Variants in TACC2 observed in about 807,000 individuals in gnomAD.
TACC2 encodes transforming acidic coiled-coil-containing protein 2.
A neutral mutation model predicts 227.3 loss-of-function variants in TACC2; 137 were observed. That is an observed-to-expected ratio of 0.60 (90% CI 0.52 to 0.69). The LOEUF is 0.69. Ranked by LOEUF, TACC2 falls within the 30% of genes least tolerant of loss-of-function variation. The pLI is 0.00. For missense variants in TACC2, 3,470 were observed against 3,694.4 expected (o/e 0.94, Z 1.57); for synonymous variants, 1,523 against 1,487.5 (o/e 1.02, Z -0.55).
Position 122,083,458 on chromosome 10 carries a change from G to T in TACC2, c.958G>T (p.Ala320Ser). ...CHLPRSNSGA[A>S]PEAEVNAASQ... The stretch of plus-strand genomic sequence containing the variant: ...TCTCCCTAGGAGCAATTCAGGGGCT[G>T]CCCCAGAAGCAGAAGTGAATGCCGC... The change falls in exon 4 of 23, where the codon GCC (alanine) becomes TCC (serine). Residue 320 changes from alanine to serine, a missense_variant. Around this residue, in one of 10 missense-constraint regions of TACC2, gnomAD observed 33 missense variants for 60.4 expected, o/e 0.55. Coordinates refer to ENST00000369005, the MANE Select transcript of TACC2 (RefSeq NM_206862.4). The T allele has an allele frequency of 6.2e-7, 1 of 1,613,384 alleles. No homozygotes were observed. The highest frequency in any genetic ancestry group is 2.2e-5 in the East Asian group (1 of 44,878).
At chr10:122,201,325 G>T (rs1279949956) in intron 8 of TACC2, among the ~76,000 whole-genome samples, 1 of 127,520 alleles carries the variant, frequency 7.8e-6, no homozygotes, top group African/African-American at 2.8e-5. Context: ...CACAGTGGCT[G>T]CGTTCACATG....
chr10:122,164,238 G>A (rs2139871912), intron 7 of TACC2, among the ~76,000 whole-genome samples: 1 of 152,340 alleles, frequency 6.6e-6, no homozygotes, highest in South Asian at 2.1e-4. Flanking sequence ...TGGGTGCATG[G>A]CTGGGGGGCT....
rs142227341 is a variant in TACC2 at position 122,095,752 on chromosome 10, G to C, written c.5573+7161G>C. Among the ~76,000 whole-genome samples, 425 of 152,348 alleles carry C rather than the reference G, an allele frequency of 2.8e-3. 2 individuals carry two copies. Among genetic ancestry groups the C allele is most frequent in the African/African-American group, 9.7e-3 (404 of 41,586 alleles). ...GTTCCCTACAGCAACGCTGTCCACCGACGGTTCTTCAGTGGTGGGAATGTC... is the reference window on the plus strand; with the variant it reads ...GTTCCCTACAGCAACGCTGTCCACCCACGGTTCTTCAGTGGTGGGAATGTC... On this transcript the variant is annotated intron_variant, in intron 5 of 22. Transcript: ENST00000369005.
At chr10:122,206,788 C>G (rs1418627878) in intron 8 of TACC2, among the ~76,000 whole-genome samples, 1 of 152,218 alleles carries the variant, frequency 6.6e-6, no homozygotes, top group Non-Finnish European at 1.5e-5. Flanking sequence ...TTGCCCAGAT[C>G]TGTGTCAGTG....
At chr10:121,995,369 A>T (rs1415401907) in intron 1 of TACC2, among the ~76,000 whole-genome samples, 1 of 152,252 alleles carries the variant, frequency 6.6e-6, no homozygotes, top group Non-Finnish European at 1.5e-5. Context: ...AGTTAAACAC[A>T]GAAGTGTGTG....
At chr10:122,073,877 T>TCACACCATTCTCCTGCCTC (rs1349374999) in intron 3 of TACC2, among the ~76,000 whole-genome samples, 2 of 152,082 alleles carry the variant, frequency 1.3e-5, no homozygotes, top group Non-Finnish European at 2.9e-5. Context: ...CCTCCTGGGT[T>TCACACCATTCTCCTGCCTC]CACACCATTC....
chr10:122,000,974 C>G (rs374052445), intron 1 of TACC2, among the ~76,000 whole-genome samples: 4 of 152,246 alleles, frequency 2.6e-5, no homozygotes, highest in African/African-American at 9.6e-5. Flanking sequence ...AGGCATGCGC[C>G]ACCATGCCCA....
intron 8 of TACC2, among the ~76,000 whole-genome samples, chr10:122,206,018 C>T (rs2095093228): frequency 6.6e-6 from 1 of 151,930 alleles, no homozygotes; most frequent in South Asian, 2.1e-4. Context: ...AGAGAAGAGT[C>T]TGTGAATGCC....
intron 3 of TACC2, among the ~76,000 whole-genome samples, chr10:122,064,363 G>T (rs1478130487): frequency 6.6e-6 from 1 of 152,056 alleles, no homozygotes; most frequent in Non-Finnish European, 1.5e-5. Context: ...TGGTATATTT[G>T]TTTCAACTAA....
At chr10:122,158,975 C>CCAGACA (rs1479220175) in intron 7 of TACC2, among the ~76,000 whole-genome samples, 3 of 152,124 alleles carry the variant, frequency 2.0e-5, no homozygotes, top group Non-Finnish European at 4.4e-5. Context: ...AGTGGAGACA[C>CCAGACA]CAGACACAGA....
At chr10:122,005,487 C>T (rs1455714780) in intron 1 of TACC2, among the ~76,000 whole-genome samples, 2 of 150,316 alleles carry the variant, frequency 1.3e-5, no homozygotes, top group Non-Finnish European at 3.0e-5. Flanking sequence ...TGGGTTCACG[C>T]CATTCTCCCA....
At chr10:122,142,342 T>C (rs1157199820) in intron 6 of TACC2, among the ~76,000 whole-genome samples, 1 of 152,202 alleles carries the variant, frequency 6.6e-6, no homozygotes, top group Non-Finnish European at 1.5e-5. Flanking sequence ...CTGCGGTGGA[T>C]GTGGCAGATG....
chr10:122,069,807 C>T (rs928846737), intron 3 of TACC2, among the ~76,000 whole-genome samples: 3 of 152,174 alleles, frequency 2.0e-5, no homozygotes, highest in African/African-American at 4.8e-5. Flanking sequence ...GACAAGATGC[C>T]GCGGGCAAAG....
At chr10:122,093,422 A>C (rs2081047921) in intron 5 of TACC2, among the ~76,000 whole-genome samples, 1 of 152,224 alleles carries the variant, frequency 6.6e-6, no homozygotes, top group African/African-American at 2.4e-5. Context: ...CCATGTTTTC[A>C]AGTTTAAGAA....
intron 2 of TACC2, chr10:122,022,908 C>T (rs2135555889): frequency 6.6e-6 from 1 of 152,284 alleles, no homozygotes; most frequent in East Asian, 1.9e-4. Context: ...CGTTGGTGAA[C>T]AAAATCAGGA....
chr10:122,043,994 T>C (rs769120280), intron 2 of TACC2, among the ~76,000 whole-genome samples: 8 of 152,236 alleles, frequency 5.3e-5, no homozygotes, highest in Non-Finnish European at 1.0e-4. Flanking sequence ...ACACCATGCC[T>C]GTTTTAGTCA....
intron 5 of TACC2, among the ~76,000 whole-genome samples, chr10:122,107,875 TATA>T (rs1360457902): frequency 2.7e-3 from 236 of 88,204 alleles, no homozygotes; most frequent in African/African-American, 8.6e-3. Context: ...TATATATATA[TATA>T]TATTTTTTTT....
At chr10:122,185,136 G>A (rs1184207113) in intron 7 of TACC2, among the ~76,000 whole-genome samples, 1 of 150,882 alleles carries the variant, frequency 6.6e-6, no homozygotes. Context: ...AAAGTGCCGG[G>A]ATTACAGGAG....
chr10:122,000,100 A>G (rs1339259387), intron 1 of TACC2, among the ~76,000 whole-genome samples: 3 of 152,198 alleles, frequency 2.0e-5, no homozygotes, highest in African/African-American at 7.2e-5. Flanking sequence ...CAGTTTAGAA[A>G]ATGCAAATCG....
Sources: gnomAD v4.1 joint callset for allele counts (sites outside exome capture counted in the v4.1 genomes callset) on GRCh38, gnomAD v4.1.1 for gene constraint, gnomAD v4.1.1 regional missense constraint, MANE v1.5 for transcripts, NCBI Gene and HGNC (gene_info 2026-07-23, HGNC 2026-07-21) for gene names.